SHISA6: variants seen among roughly 807,000 people sequenced by gnomAD.
The protein encoded by SHISA6 is shisa family member 6, also known as protein shisa-6.
In SHISA6, 22 loss-of-function variants were observed where a neutral mutation model predicts 47.9. That is an observed-to-expected ratio of 0.46 (90% CI 0.33 to 0.66). SHISA6 has a LOEUF of 0.66. Ranked by LOEUF, SHISA6 falls within the 30% of genes least tolerant of loss-of-function variation. SHISA6 has a pLI of 0.02. For synonymous variants in SHISA6, 388 were observed against 337.8 expected (o/e 1.15, Z -1.63); for missense variants, 680 against 764.6 (o/e 0.89, Z 1.30).
intron 3 of SHISA6, among the ~76,000 whole-genome samples, chr17:11,396,129 C>T (rs930550319): frequency 2.6e-5 from 4 of 152,188 alleles, no homozygotes; most frequent in Non-Finnish European, 4.4e-5. Flanking sequence ...GCTTTTTCAG[C>T]ATCTGTAGAG....
intron 3 of SHISA6, among the ~76,000 whole-genome samples, chr17:11,467,065 G>A (rs986107068): frequency 2.6e-5 from 4 of 152,204 alleles, no homozygotes; most frequent in African/African-American, 9.6e-5. Flanking sequence ...TCTTTAACAT[G>A]GACTATCCCT....
intron 2 of SHISA6, among the ~76,000 whole-genome samples, chr17:11,365,196 T>C (rs553833205): frequency 2.6e-5 from 4 of 152,188 alleles, no homozygotes; most frequent in Non-Finnish European, 5.9e-5. Context: ...TTATTACTAC[T>C]GCAATTGATA....
intron 2 of SHISA6, among the ~76,000 whole-genome samples, chr17:11,269,569 G>T (rs1204701192): frequency 2.0e-5 from 3 of 152,310 alleles, no homozygotes; most frequent in South Asian, 2.1e-4. Context: ...CAGGTTTAGG[G>T]CTGCCCATGA....
intron 3 of SHISA6, among the ~76,000 whole-genome samples, chr17:11,471,275 G>A (rs757381232): frequency 1.1e-4 from 17 of 151,114 alleles, no homozygotes; most frequent in Non-Finnish European, 2.2e-4. Flanking sequence ...GGCAGAGAAA[G>A]GCCATGTACA....
chr17:11,337,694 T>C (rs1320728315), intron 2 of SHISA6, among the ~76,000 whole-genome samples: 1 of 152,152 alleles, frequency 6.6e-6, no homozygotes, highest in Non-Finnish European at 1.5e-5. Flanking sequence ...CCAGGTGCAC[T>C]AAGATCCTTC....
chr17:11,514,830 G>T (rs1390743786), intron 3 of SHISA6, among the ~76,000 whole-genome samples: 2 of 152,196 alleles, frequency 1.3e-5, no homozygotes, highest in Non-Finnish European at 2.9e-5. Context: ...ATGTCCTATT[G>T]TATAGCAGCA....
chr17:11,404,625 G>T (rs918634739), intron 3 of SHISA6, among the ~76,000 whole-genome samples: 75 of 152,120 alleles, frequency 4.9e-4, no homozygotes. Context: ...TGATTCACAG[G>T]GACTCCTGAA....
At chr17:11,422,706 TGATCCAA>T (rs1567601803) in intron 3 of SHISA6, among the ~76,000 whole-genome samples, 7 of 150,338 alleles carry the variant, frequency 4.7e-5, no homozygotes. Context: ...AAAGTTGCAG[TGATCCAA>T]GATCCCGCCA....
At chr17:11,387,230 G>A (rs74725399) in intron 3 of SHISA6, among the ~76,000 whole-genome samples, 5,318 of 152,116 alleles carry the variant, frequency 0.035, 175 homozygotes, top group Admixed American at 0.088. Context: ...ATGCTGTTGG[G>A]GACTGGTTTG....
At chr17:11,243,806 T>TCTGACCACAGCCG (rs1381466767) in intron 1 of SHISA6, among the ~76,000 whole-genome samples, 1 of 152,190 alleles carries the variant, frequency 6.6e-6, no homozygotes, top group Non-Finnish European at 1.5e-5. Context: ...AACCTTCTGC[T>TCTGACCACAGCCG]CTGACCACAG....
chr17:11,482,067 C>T (rs778072782), intron 3 of SHISA6, among the ~76,000 whole-genome samples: 1 of 151,850 alleles, frequency 6.6e-6, no homozygotes, highest in Non-Finnish European at 1.5e-5. Context: ...AATGGGAGTT[C>T]TTGAATAGGA....
At chr17:11,350,783 A>G (rs1911864208) in intron 2 of SHISA6, among the ~76,000 whole-genome samples, 1 of 152,172 alleles carries the variant, frequency 6.6e-6, no homozygotes, top group African/African-American at 2.4e-5. Context: ...ATACTGGCCA[A>G]AAGATTAAAA....
At chr17:11,420,114 G>C (rs1442848986) in intron 3 of SHISA6, among the ~76,000 whole-genome samples, 2 of 152,182 alleles carry the variant, frequency 1.3e-5, no homozygotes, top group Non-Finnish European at 2.9e-5. Context: ...TGAGGCAGGA[G>C]AATCACTTGA....
chr17:11,545,962 G>A (rs1215377575), intron 3 of SHISA6, among the ~76,000 whole-genome samples: 1 of 152,182 alleles, frequency 6.6e-6, no homozygotes, highest in African/African-American at 2.4e-5. Flanking sequence ...TACTCCTGCT[G>A]TATTCTATTC....
intron 2 of SHISA6, among the ~76,000 whole-genome samples, chr17:11,272,360 C>T (rs1908710036): frequency 6.6e-6 from 1 of 152,198 alleles, no homozygotes; most frequent in Non-Finnish European, 1.5e-5. Context: ...GCTCTCACTT[C>T]CCTGGCTCCC....
intron 3 of SHISA6, among the ~76,000 whole-genome samples, chr17:11,396,581 T>C (rs774060370): frequency 3.3e-5 from 5 of 152,184 alleles, no homozygotes; most frequent in African/African-American, 7.2e-5. Context: ...TCCACGACGG[T>C]TGAACTAATT....
In SHISA6 at chr17:11,263,413, A is replaced by G. The variant is rs1908311230; in HGVS notation, c.686A>G (p.His229Arg). The G allele has an allele frequency of 2.6e-6, 4 of 1,551,956 alleles. No individual in the cohort carries two copies. The highest frequency in any genetic ancestry group is 1.4e-5 in the African/African-American group (1 of 73,016). The change falls in exon 2 of 6, where the codon CAC becomes CGC. Residue 229 changes from histidine (H) to arginine (R), a missense_variant. Physicochemically the swap from His to Arg is conservative, Grantham distance 29. Coordinates refer to ENST00000441885, the MANE Select transcript of SHISA6 (RefSeq NM_207386.4). Reference sequence around the variant, plus strand: ...CAACAGGGACCAATCCCCATAGCACACTGTGAAAGAGAAACTATCTCGGCT... The same window carrying G: ...CAACAGGGACCAATCCCCATAGCACGCTGTGAAAGAGAAACTATCTCGGCT... ...LRQQGPIPIA[H>R]CERETISAID...
intron 3 of SHISA6, among the ~76,000 whole-genome samples, chr17:11,469,610 G>C (rs948679975): frequency 6.6e-6 from 1 of 152,154 alleles, no homozygotes. Context: ...TGAGGTTCAC[G>C]TGATCTAAAT....
At chr17:11,419,078 C>T (rs1597503709) in intron 3 of SHISA6, among the ~76,000 whole-genome samples, 1 of 148,866 alleles carries the variant, frequency 6.7e-6, no homozygotes. Context: ...GTGGGGGGAG[C>T]GGGGAGGGAT....
Sources: gnomAD v4.1 joint callset for allele counts (sites outside exome capture counted in the v4.1 genomes callset) on GRCh38, gnomAD v4.1.1 for gene constraint, MANE v1.5 for transcripts, NCBI Gene and HGNC (gene_info 2026-07-23, HGNC 2026-07-21) for gene names.